ADAMTS6: variants seen among roughly 807,000 people sequenced by gnomAD.
ADAMTS6 encodes the protein A disintegrin and metalloproteinase with thrombospondin motifs 6.
In ADAMTS6, 23 loss-of-function variants were observed where a neutral mutation model predicts 144.3. That is an observed-to-expected ratio of 0.16 (90% CI 0.11 to 0.23). The LOEUF is 0.23. ADAMTS6 is among the 10% of genes least tolerant of loss of function. The pLI, the probability that ADAMTS6 is intolerant of heterozygous loss-of-function variation, is 1.00. For missense variants in ADAMTS6, 999 were observed against 1,379.6 expected (o/e 0.72, Z 4.37); for synonymous variants, 444 against 457.5 (o/e 0.97, Z 0.38).
intron 22 of ADAMTS6, among the ~76,000 whole-genome samples, chr5:65,180,714 A>AT (rs35996669): frequency 6.6e-6 from 1 of 151,908 alleles, no homozygotes; most frequent in East Asian, 1.9e-4. Flanking sequence ...TAAAAAAAAA[A>AT]TCCCTTAATG....
chr5:65,251,025 T>G (rs1321448527), intron 14 of ADAMTS6: 1 of 152,208 alleles, frequency 6.6e-6, no homozygotes, highest in African/African-American at 2.4e-5. Context: ...GCATGATAGT[T>G]TTAGGTCATT....
intron 15 of ADAMTS6, among the ~76,000 whole-genome samples, chr5:65,235,512 G>C (rs984128748): frequency 6.6e-6 from 1 of 152,112 alleles, no homozygotes; most frequent in Admixed American, 6.5e-5. Context: ...GCCTGGGAAA[G>C]GCAGACCCAC....
intron 12 of ADAMTS6, among the ~76,000 whole-genome samples, chr5:65,270,982 T>A (rs1232388134): frequency 6.6e-6 from 1 of 152,166 alleles, no homozygotes; most frequent in Non-Finnish European, 1.5e-5. Context: ...GGTTTATGGA[T>A]CAAAAAGTTG....
rs1038313973 is a variant in ADAMTS6, at chr5:65,302,507, G to A, written c.1224-2376C>T. Among the ~76,000 whole-genome samples, 6 of 151,582 alleles carry A rather than the reference G, an allele frequency of 4.0e-5. No homozygotes were observed. In the South Asian group the frequency reaches 6.2e-4, roughly 16 times the overall value. On this transcript the variant is annotated intron_variant, in intron 9 of 24. Transcript: ENST00000381055. The stretch of plus-strand genomic sequence containing the variant: ...AGAGAAATGTATGAGAGTATCCAGA[G>A]CCCTAAATTAAAACATCAAATAACC...
intron 7 of ADAMTS6, among the ~76,000 whole-genome samples, chr5:65,368,883 C>T (rs1377777094): frequency 1.3e-5 from 2 of 152,062 alleles, no homozygotes; most frequent in Non-Finnish European, 2.9e-5. Flanking sequence ...GGTGAAACCC[C>T]GTCTATACTA....
chr5:65,218,167 C>CA (rs1203712662), intron 18 of ADAMTS6, among the ~76,000 whole-genome samples: 3 of 152,048 alleles, frequency 2.0e-5, no homozygotes, highest in Non-Finnish European at 2.9e-5. Flanking sequence ...TAAAGCCAGG[C>CA]AAAAAATCTA....
At chr5:65,324,552 T>C (rs1204150460) in intron 9 of ADAMTS6, among the ~76,000 whole-genome samples, 2 of 151,260 alleles carry the variant, frequency 1.3e-5, no homozygotes, top group Admixed American at 6.6e-5. Flanking sequence ...TTATGTTATA[T>C]ATTACGGATA....
chr5:65,263,706 C>T (rs1761392871), intron 12 of ADAMTS6, among the ~76,000 whole-genome samples: 1 of 152,196 alleles, frequency 6.6e-6, no homozygotes, highest in Admixed American at 6.5e-5. Flanking sequence ...ACTCATAACT[C>T]TAGCATGATA....
intron 7 of ADAMTS6, among the ~76,000 whole-genome samples, chr5:65,434,400 C>T (rs1757225280): frequency 6.6e-6 from 1 of 152,110 alleles, no homozygotes; most frequent in Non-Finnish European, 1.5e-5. Flanking sequence ...AAACTAAAAA[C>T]TGTGAATTAT....
At chr5:65,455,059 T>G (rs140421132) in intron 4 of ADAMTS6, among the ~76,000 whole-genome samples, 1 of 152,234 alleles carries the variant, frequency 6.6e-6, no homozygotes, top group East Asian at 1.9e-4. Flanking sequence ...AAACCACTCA[T>G]GTATTCAAGT....
chr5:65,326,286 C>T (rs768563372), intron 9 of ADAMTS6, among the ~76,000 whole-genome samples: 10 of 152,120 alleles, frequency 6.6e-5, no homozygotes, highest in Non-Finnish European at 1.3e-4. Flanking sequence ...TTTCAAAGAA[C>T]ATTCTTTCCT....
At chr5:65,424,653 C>T (rs1756355753) in intron 7 of ADAMTS6, among the ~76,000 whole-genome samples, 1 of 151,898 alleles carries the variant, frequency 6.6e-6, no homozygotes, top group African/African-American at 2.4e-5. Context: ...AGTAATGGAT[C>T]AAAGAAGCAT....
At chr5:65,223,783 T>TA (rs1354089638) in intron 18 of ADAMTS6, among the ~76,000 whole-genome samples, 12 of 151,750 alleles carry the variant, frequency 7.9e-5, no homozygotes, top group Non-Finnish European at 1.6e-4. Flanking sequence ...TGAGTGTAGA[T>TA]ATCTCTTTGA....
chr5:65,395,055 A>G (rs1753224124), intron 7 of ADAMTS6, among the ~76,000 whole-genome samples: 1 of 152,076 alleles, frequency 6.6e-6, no homozygotes, highest in African/African-American at 2.4e-5. Flanking sequence ...CAAGTAGAAG[A>G]CTAGACCTGC....
chr5:65,210,704 A>G (rs1756464989), intron 20 of ADAMTS6: 3 of 647,572 alleles, frequency 4.6e-6, no homozygotes, highest in Non-Finnish European at 8.7e-6. Context: ...GTGGAAGTAC[A>G]CCAGAAGCAC....
Position 65,395,974 on chromosome 5 carries a change from C to A in ADAMTS6, c.1073+55501G>T, listed in dbSNP as rs531392276. Among the ~76,000 whole-genome samples, 5 of 152,306 alleles carry A rather than the reference C, an allele frequency of 3.3e-5. No homozygotes were observed. The East Asian group carries it at 9.6e-4, about 29-fold the overall frequency. On this transcript the variant is annotated intron_variant, in intron 7 of 24. Coordinates refer to ENST00000381055, the MANE Select transcript of ADAMTS6 (RefSeq NM_197941.4). Reference sequence around the variant, plus strand: ...ATACAAACATTTAACTGGCTTCAAGCCACATACTTGTCACATTAGCCCAGC... The same window carrying A: ...ATACAAACATTTAACTGGCTTCAAGACACATACTTGTCACATTAGCCCAGC...
At chr5:65,307,794 C>T (rs977048180) in intron 9 of ADAMTS6, among the ~76,000 whole-genome samples, 1 of 152,214 alleles carries the variant, frequency 6.6e-6, no homozygotes, top group African/African-American at 2.4e-5. Context: ...GTGAACAAGA[C>T]ACTCTTTTAT....
At chr5:65,440,174 A>T (rs1757757604) in intron 7 of ADAMTS6, among the ~76,000 whole-genome samples, 1 of 152,218 alleles carries the variant, frequency 6.6e-6, no homozygotes, top group African/African-American at 2.4e-5. Flanking sequence ...TGATGTCTAC[A>T]ATTACTCTCA....
intron 9 of ADAMTS6, among the ~76,000 whole-genome samples, chr5:65,318,074 CAAAA>C (rs78876970): frequency 1.6e-5 from 1 of 63,010 alleles, no homozygotes; most frequent in Non-Finnish European, 3.7e-5. Context: ...GACTCCATCT[CAAAA>C]AAAAAAAAAA....
Sources: gnomAD v4.1 joint callset for allele counts (sites outside exome capture counted in the v4.1 genomes callset) on GRCh38, gnomAD v4.1.1 for gene constraint, MANE v1.5 for transcripts, NCBI Gene and HGNC (gene_info 2026-07-23, HGNC 2026-07-21) for gene names.